Variants in NCAPD3 observed in about 807,000 individuals in gnomAD.
The protein encoded by NCAPD3 is non-SMC condensin II complex subunit D3.
NCAPD3 carries 105 observed loss-of-function variants against 182.9 expected under a neutral mutation model. The observed-to-expected ratio is 0.57, with a 90% CI of 0.49 to 0.68. NCAPD3 has a LOEUF of 0.68. Ranked by LOEUF, NCAPD3 falls within the 30% of genes least tolerant of loss-of-function variation. The probability of loss-of-function intolerance (pLI) is 0.00; values close to 1 mark genes in which losing one functional copy is unlikely to be tolerated. For missense variants in NCAPD3, 1,944 were observed against 1,837.0 expected, an observed-to-expected ratio of 1.06 and a Z score of -1.07; for synonymous variants, 815 against 679.9, an observed-to-expected ratio of 1.20 and a Z score of -3.09.
intron 13 of NCAPD3, among the ~76,000 whole-genome samples, chr11:134,195,679 C>G (rs1291117850): frequency 1.3e-5 from 2 of 151,858 alleles, no homozygotes; most frequent in Admixed American, 1.3e-4. Flanking sequence ...CCCAGGAGTT[C>G]GAGTCCAGCC....
rs1565544395 is a variant in NCAPD3, at chr11:134,192,668, CA to C, written c.2045+20del. On this transcript the variant is annotated intron_variant, in intron 16 of 34. Transcript: ENST00000534548. ...CTACGGCCTTCTTCTATAGGGAACA[CA>C]GGTCATACAGTTAACCTACCTCAGT... The C allele has an allele frequency of 1.3e-6, 2 of 1,594,968 alleles. No homozygotes were observed. Among genetic ancestry groups the C allele is most frequent in the South Asian group, 2.2e-5 (2 of 90,692 alleles).
intron 1 of NCAPD3, chr11:134,223,247 C>A: frequency 1.7e-6 from 1 of 586,894 alleles, no homozygotes; most frequent in Admixed American, 2.9e-5. Flanking sequence ...CAGAAAGCAG[C>A]TAAAATACTC....
chr11:134,158,552 G>A (rs55683807), intron 29 of NCAPD3, 57 bp from the exon 30 acceptor site: 54,360 of 1,539,864 alleles, frequency 0.035, 3,149 homozygotes, highest in East Asian at 0.21. Flanking sequence ...TTTCAAAAAC[G>A]GATATATGAT....
At chr11:134,156,940 T>C in intron 32 of NCAPD3, 78 bp downstream of exon 32, 3 of 1,312,738 alleles carry the variant, frequency 2.3e-6, no homozygotes, top group Non-Finnish European at 3.3e-6. Context: ...GGAAGGAGTT[T>C]TACTGCGACT....
At chr11:134,223,095 T>G (rs759518258) in intron 1 of NCAPD3, 21 of 324,404 alleles carry the variant, frequency 6.5e-5, no homozygotes, top group Middle Eastern at 9.4e-4. Context: ...ATGGCAGCTC[T>G]TATAAAGCAT....
At position 134,220,553 on chromosome 11, in the gene NCAPD3, T is replaced by A. The variant is rs1407631595; in HGVS notation, c.219+19A>T. The A allele has an allele frequency of 1.9e-6, 3 of 1,599,108 alleles. No homozygotes were observed. The highest frequency in any genetic ancestry group is 1.7e-6 in the Non-Finnish European group (2 of 1,169,728). On this transcript the variant is annotated intron_variant, in intron 2 of 34. Transcript: ENST00000534548. ...ACTTCTAACACCAAACTTTGGCTAG[T>A]TTGTTTTTATATTTTTACCTCCATA...
At position 134,168,453 on chromosome 11, in the gene NCAPD3, C is replaced by A. The variant is rs756689568; in HGVS notation, c.3373+16G>T. On this transcript the variant is annotated intron_variant, in intron 26 of 34. Transcript: ENST00000534548. ...TTGCAAACACACACATTTTCTCCCA[C>A]ACACACTGGGCTTACCCAAAATACT... 1 of 1,613,790 alleles carries A rather than the reference C, an allele frequency of 6.2e-7. No homozygotes were observed. The highest frequency in any genetic ancestry group is 8.5e-7 in the Non-Finnish European group (1 of 1,179,688).
At chr11:134,205,055 CTAGT>C (rs1465456131) in intron 8 of NCAPD3, 84 bp from the exon 9 acceptor site, 1 of 1,048,278 alleles carries the variant, frequency 9.5e-7, no homozygotes, top group African/African-American at 1.6e-5. Context: ...TTTAGAAATC[CTAGT>C]TATTAAAACA....
At chr11:134,187,512 C>G (rs1219481320) in intron 16 of NCAPD3, among the ~76,000 whole-genome samples, 5 of 152,188 alleles carry the variant, frequency 3.3e-5, no homozygotes, top group Non-Finnish European at 7.3e-5. Context: ...TTGATTCAGG[C>G]ATTTTCCTGA....
Position 134,184,760 on chromosome 11 carries a change from G to A in NCAPD3, c.2336-8C>T. On this transcript the variant is annotated splice_region_variant and splice_polypyrimidine_tract_variant and intron_variant, in intron 18 of 34. Transcript: ENST00000534548. ...GCTTACACTTGACAGCATCTATGAA[G>A]GAAGTCAAAACCCCTGAAGTTCAAC... 1.2e-6 allele frequency: 2 copies of A among 1,600,976 alleles called. No individual in the cohort carries two copies. Among genetic ancestry groups the A allele is most frequent in the East Asian group, 4.5e-5 (2 of 44,570 alleles).
intron 16 of NCAPD3, among the ~76,000 whole-genome samples, chr11:134,192,482 G>A (rs1324449961): frequency 1.3e-5 from 2 of 152,332 alleles, no homozygotes; most frequent in South Asian, 2.1e-4. Flanking sequence ...TGCAAAGGAA[G>A]TGACCAAACA....
Position 134,158,394 on chromosome 11 carries a change from G to C in NCAPD3, c.3969C>G (p.Gly1323=). The C allele has an allele frequency of 6.2e-7, 1 of 1,614,206 alleles. No individual in the cohort carries two copies. Among genetic ancestry groups the C allele is most frequent in the South Asian group, 1.1e-5 (1 of 91,086 alleles). The change falls in exon 30 of 35, where the codon GGC becomes GGG. Residue 1323 remains glycine, a synonymous_variant. Transcript: ENST00000534548. ...SQPCTPRASA[G]HVAVSSPTPE... is the part of the protein sequence containing the mutation. ...GTGTAGGAGATGATACTGCTACATGGCCAGCACTTGCCCTGGGTGTGCAGG... is the reference window on the plus strand; with the variant it reads ...GTGTAGGAGATGATACTGCTACATGCCCAGCACTTGCCCTGGGTGTGCAGG...
chr11:134,205,368 C>A (rs1234188681), intron 8 of NCAPD3, among the ~76,000 whole-genome samples: 2 of 151,992 alleles, frequency 1.3e-5, no homozygotes, highest in Non-Finnish European at 2.9e-5. Context: ...AAACTTTAAC[C>A]CAATAAGAAA....
chr11:134,175,304 C>T (rs1446167666), intron 24 of NCAPD3, among the ~76,000 whole-genome samples: 3 of 152,186 alleles, frequency 2.0e-5, no homozygotes, highest in Non-Finnish European at 4.4e-5. Context: ...GGGCCACGTA[C>T]TGCGTAAAAA....
At chr11:134,193,507 C>T (rs1439702713) in intron 15 of NCAPD3, among the ~76,000 whole-genome samples, 1 of 152,238 alleles carries the variant, frequency 6.6e-6, no homozygotes, top group Non-Finnish European at 1.5e-5. Flanking sequence ...AATCCCAGCA[C>T]TTTGGGAGGC....
chr11:134,216,672 C>T (rs113910294), intron 3 of NCAPD3, among the ~76,000 whole-genome samples: 1 of 151,740 alleles, frequency 6.6e-6, no homozygotes, highest in African/African-American at 2.4e-5. Context: ...GGAGGGTGGG[C>T]GTGGAACTCT....
At position 134,168,127 on chromosome 11, in the gene NCAPD3, C is replaced by A; in HGVS notation, c.3442G>T (p.Val1148Phe). The A allele has an allele frequency of 6.2e-7, 1 of 1,614,104 alleles. No homozygotes were observed. Among genetic ancestry groups the A allele is most frequent in the Non-Finnish European group, 8.5e-7 (1 of 1,179,970 alleles). The change falls in exon 27 of 35, where the codon GTC (valine) becomes TTC (phenylalanine). Residue 1148 changes from valine (V) to phenylalanine (F), a missense_variant. Physicochemically the swap from Val to Phe is conservative, Grantham distance 50. Transcript: ENST00000534548. ...AGCTTGATCTCCTTTGAGCTGAGGACCTCAAACGTGTCTGAGAGTAACTCA... is the reference window on the plus strand; with the variant it reads ...AGCTTGATCTCCTTTGAGCTGAGGAACTCAAACGTGTCTGAGAGTAACTCA... The part of the protein sequence containing the change: ...ASELLSDTFE[V>F]LSSKEIKLLA...
chr11:134,153,384 ACT>A, intron 32 of NCAPD3, 21 bp from the exon 33 acceptor site: 1 of 1,613,144 alleles, frequency 6.2e-7, no homozygotes, highest in Non-Finnish European at 8.5e-7. Context: ...AGGAGACACC[ACT>A]GAGTGAAAGC....
At position 134,203,754 on chromosome 11, in the gene NCAPD3, C is replaced by T; in HGVS notation, c.1368G>A (p.Lys456=). Residue 456 remains lysine (K), a synonymous_variant, in exon 11 of 35, where the codon AAG becomes AAA. Transcript: ENST00000534548. ...GTGCCTTGCTGCGGACAGTAGGCGC[C>T]TTGTCTAAGCAACGATCAAACATAA... ...QEIMFDRCLD[K]APTVRSKALS... The T allele has an allele frequency of 6.2e-7, 1 of 1,614,158 alleles. No homozygotes were observed. The highest frequency in any genetic ancestry group is 8.5e-7 in the Non-Finnish European group (1 of 1,180,046).
Sources: allele counts gnomAD v4.1 joint callset (sites outside exome capture counted in the v4.1 genomes callset), GRCh38; gene constraint gnomAD v4.1.1; transcripts MANE v1.5; gene names NCBI Gene and HGNC (gene_info 2026-07-23, HGNC 2026-07-21).